Variants in HS3ST3A1 observed in about 807,000 individuals in gnomAD.
HS3ST3A1 encodes the protein heparan sulfate-glucosamine 3-sulfotransferase 3A1, also known as heparan sulfate glucosamine 3-O-sulfotransferase 3A1.
Under a neutral mutation model 25.7 loss-of-function variants are expected in HS3ST3A1, and 19 were observed. The ratio of observed to expected loss-of-function variants is 0.74; its 90% confidence interval spans 0.52 to 1.08. The LOEUF (loss-of-function observed/expected upper bound fraction) is 1.08. Ranked by LOEUF, HS3ST3A1 falls within the 50% of genes least tolerant of loss-of-function variation. The pLI is 0.00. For missense variants in HS3ST3A1, 459 were observed against 594.3 expected (o/e 0.77, Z 2.37); for synonymous variants, 226 against 278.6 (o/e 0.81, Z 1.88).
chr17:13,527,549 G>A (rs1906471446), intron 1 of HS3ST3A1, among the ~76,000 whole-genome samples: 1 of 152,092 alleles, frequency 6.6e-6, no homozygotes. Flanking sequence ...GTGGGAGAGT[G>A]AAGCCCCCCT....
chr17:13,565,351 G>A (rs1907651048), intron 1 of HS3ST3A1, among the ~76,000 whole-genome samples: 1 of 151,982 alleles, frequency 6.6e-6, no homozygotes. Flanking sequence ...GGGCAACATA[G>A]TGAATCCCCA....
At chr17:13,513,064 G>T (rs1418733967) in intron 1 of HS3ST3A1, among the ~76,000 whole-genome samples, 1 of 152,284 alleles carries the variant, frequency 6.6e-6, no homozygotes, top group African/African-American at 2.4e-5. Flanking sequence ...AGGGTATGCG[G>T]GCCTTCATTC....
At chr17:13,544,782 A>AT (rs1907037659) in intron 1 of HS3ST3A1, among the ~76,000 whole-genome samples, 1 of 151,500 alleles carries the variant, frequency 6.6e-6, no homozygotes, top group African/African-American at 2.4e-5. Flanking sequence ...AGGAAAAAAA[A>AT]AAAAGTGCAG....
At chr17:13,540,353 T>C (rs1906894947) in intron 1 of HS3ST3A1, among the ~76,000 whole-genome samples, 1 of 152,178 alleles carries the variant, frequency 6.6e-6, no homozygotes, top group African/African-American at 2.4e-5. Context: ...GTGGAAAGGG[T>C]TAAATATCAT....
At chr17:13,526,834 A>G (rs1906447126) in intron 1 of HS3ST3A1, among the ~76,000 whole-genome samples, 1 of 151,594 alleles carries the variant, frequency 6.6e-6, no homozygotes, top group African/African-American at 2.4e-5. Context: ...TTGTATTTTT[A>G]GTAGAGACGA....
chr17:13,563,671 C>T (rs1386158542), intron 1 of HS3ST3A1, among the ~76,000 whole-genome samples: 1 of 152,160 alleles, frequency 6.6e-6, no homozygotes, highest in Non-Finnish European at 1.5e-5. Flanking sequence ...CAATGGAGTT[C>T]AGAGGGTCAT....
intron 1 of HS3ST3A1, among the ~76,000 whole-genome samples, chr17:13,586,921 A>C (rs949413421): frequency 1.2e-4 from 17 of 144,006 alleles, no homozygotes; most frequent in African/African-American, 4.2e-4. Context: ...TTGAAGACTT[A>C]ATATAAAAAA....
At chr17:13,516,050 C>A (rs185620641) in intron 1 of HS3ST3A1, among the ~76,000 whole-genome samples, 3 of 152,126 alleles carry the variant, frequency 2.0e-5, no homozygotes, top group Non-Finnish European at 4.4e-5. Context: ...TTGGCTCACA[C>A]CTGTAATCCC....
At chr17:13,515,435 C>T (rs1906018337) in intron 1 of HS3ST3A1, among the ~76,000 whole-genome samples, 1 of 149,470 alleles carries the variant, frequency 6.7e-6, no homozygotes, top group South Asian at 2.1e-4. Flanking sequence ...GCTGGGATTA[C>T]AGGCATGAGC....
rs1335824816 is a variant in HS3ST3A1 at position 13,601,426 on chromosome 17, T to C, written c.-297A>G. 3.1e-6 allele frequency: 1 copy of C among 326,068 alleles called. No individual in the cohort carries two copies. Among genetic ancestry groups the C allele is most frequent in the Non-Finnish European group, 5.5e-6 (1 of 180,738 alleles). The allele number at this position is 326,068 out of a possible 1,614,324, so 20.2% of individuals were successfully genotyped here. On this transcript the variant is annotated 5_prime_UTR_variant, in exon 1 of 2. Transcript: ENST00000284110. ...CCAAGTCCTGAGCTTGGGGCAGCCT[T>C]GGCCCCTCGGTTCCCCGCAAGAGTC... is the stretch of plus-strand genomic sequence containing the variant.
At chr17:13,516,100 G>C (rs1289412647) in intron 1 of HS3ST3A1, among the ~76,000 whole-genome samples, 1 of 152,074 alleles carries the variant, frequency 6.6e-6, no homozygotes, top group Admixed American at 6.6e-5. Flanking sequence ...CACGAGGTCA[G>C]GAGTTTGAGA....
chr17:13,559,214 A>G (rs1421120562), intron 1 of HS3ST3A1, among the ~76,000 whole-genome samples: 1 of 152,142 alleles, frequency 6.6e-6, no homozygotes, highest in Admixed American at 6.5e-5. Context: ...TTATGACAAC[A>G]AAAAAAGAGA....
At chr17:13,599,589 GA>G (rs200461167) in intron 1 of HS3ST3A1, among the ~76,000 whole-genome samples, 2 of 150,342 alleles carry the variant, frequency 1.3e-5, no homozygotes, top group African/African-American at 2.4e-5. Flanking sequence ...TTTGAAGAAA[GA>G]AAAAAAAAGC....
intron 1 of HS3ST3A1, among the ~76,000 whole-genome samples, chr17:13,566,002 T>C (rs888258097): frequency 2.1e-4 from 32 of 152,344 alleles, no homozygotes; most frequent in African/African-American, 7.7e-4. Context: ...TTTCCTCTGC[T>C]GTTCAGTAAG....
chr17:13,567,910 G>A (rs773699989), intron 1 of HS3ST3A1, among the ~76,000 whole-genome samples: 23 of 152,216 alleles, frequency 1.5e-4, no homozygotes, highest in Non-Finnish European at 3.1e-4. Context: ...AAACTTAGTA[G>A]ATAAAACAGC....
At chr17:13,553,414 T>G (rs1907292897) in intron 1 of HS3ST3A1, among the ~76,000 whole-genome samples, 1 of 152,198 alleles carries the variant, frequency 6.6e-6, no homozygotes, top group Non-Finnish European at 1.5e-5. Flanking sequence ...ATCATTGCAC[T>G]GGCAGCTTTA....
Position 13,601,189 on chromosome 17 carries a change from TGCCAGAGCATCCCCCCGGCGG to T in HS3ST3A1, c.-81_-61del. ...CATGCTAGGCCTGGACCCCGACAGGTGCCAGAGCATCCCCCCGGCGGGCCAGCGCGCTGGACGGAGGCCACA... is the reference window on the plus strand; with the variant it reads ...CATGCTAGGCCTGGACCCCGACAGGTGCCAGCGCGCTGGACGGAGGCCACA... On this transcript the variant is annotated 5_prime_UTR_variant, in exon 1 of 2. An upstream start codon of the reference 5' UTR is lost. Coordinates refer to ENST00000284110, the MANE Select transcript of HS3ST3A1 (RefSeq NM_006042.3). The T allele has an allele frequency of 7.8e-7, 1 of 1,277,300 alleles. No individual in the cohort carries two copies. Among genetic ancestry groups the T allele is most frequent in the Non-Finnish European group, 1.0e-6 (1 of 967,098 alleles). 79.1% of individuals were successfully genotyped at this position (1,277,300 alleles called of 1,614,324 possible).
intron 1 of HS3ST3A1, among the ~76,000 whole-genome samples, chr17:13,538,471 GC>G (rs1256816240): frequency 6.6e-6 from 1 of 152,140 alleles, no homozygotes; most frequent in Non-Finnish European, 1.5e-5. Context: ...CACTTCTGAT[GC>G]TTATCACTAA....
At chr17:13,558,743 A>G (rs1907447777) in intron 1 of HS3ST3A1, among the ~76,000 whole-genome samples, 1 of 152,246 alleles carries the variant, frequency 6.6e-6, no homozygotes, top group East Asian at 1.9e-4. Flanking sequence ...TGCTTTTTAA[A>G]GAACTGAATA....
Sources: gnomAD v4.1 joint callset for allele counts (sites outside exome capture counted in the v4.1 genomes callset) on GRCh38, gnomAD v4.1.1 for gene constraint, MANE v1.5 for transcripts, NCBI Gene and HGNC (gene_info 2026-07-23, HGNC 2026-07-21) for gene names.